Variants in MBNL2 observed in about 807,000 individuals in gnomAD.
MBNL2 encodes the protein muscleblind-like protein 2.
A neutral mutation model predicts 41.9 loss-of-function variants in MBNL2; 17 were observed. The ratio of observed to expected loss-of-function variants is 0.41; its 90% CI spans 0.28 to 0.61. MBNL2 has a LOEUF of 0.61. Ranked by LOEUF, MBNL2 falls within the 20% of genes least tolerant of loss-of-function variation. MBNL2 has a pLI of 0.35. For synonymous variants in MBNL2, 195 were observed against 182.9 expected (o/e 1.07, Z -0.53); for missense variants, 336 against 505.6 (o/e 0.66, Z 3.22).
chr13:97,221,483 T>TG (rs1473936435), upstream of MBNL2: 2 of 152,214 alleles, frequency 1.3e-5, no homozygotes, highest in African/African-American at 4.8e-5. Context: ...TGGCACCTCA[T>TG]GGGGGCCCTT....
At chr13:97,145,556 C>A in the MBNL2 span, among the ~76,000 whole-genome samples, 1 of 152,248 alleles carries the variant, frequency 6.6e-6, no homozygotes, top group African/African-American at 2.4e-5. Flanking sequence ...AGGGCATGGG[C>A]CTTGATGTTA....
upstream of MBNL2, among the ~76,000 whole-genome samples, chr13:97,220,072 T>C (rs2040726506): frequency 6.6e-6 from 1 of 152,206 alleles, no homozygotes; most frequent in African/African-American, 2.4e-5. Flanking sequence ...TGGATGAATA[T>C]GATATCAATT....
chr13:97,152,279 T>A, the MBNL2 span, among the ~76,000 whole-genome samples: 1 of 151,808 alleles, frequency 6.6e-6, no homozygotes, highest in African/African-American at 2.4e-5. Context: ...AATAAATGAA[T>A]GAGGGAAAAA....
At chr13:97,282,628 C>T (rs567682885) in intron 2 of MBNL2, among the ~76,000 whole-genome samples, 2 of 152,142 alleles carry the variant, frequency 1.3e-5, no homozygotes, top group Non-Finnish European at 1.5e-5. Context: ...TATAATGCAA[C>T]GGAGTACAGG....
At chr13:97,213,857 C>A in the MBNL2 span, among the ~76,000 whole-genome samples, 1 of 152,076 alleles carries the variant, frequency 6.6e-6, no homozygotes, top group Admixed American at 6.6e-5. Flanking sequence ...AAACCAGTTG[C>A]ATTTAATTTT....
At chr13:97,289,223 A>G (rs1489849626) in intron 2 of MBNL2, among the ~76,000 whole-genome samples, 2 of 152,250 alleles carry the variant, frequency 1.3e-5, no homozygotes, top group African/African-American at 2.4e-5. Context: ...TGTGTTGAAA[A>G]GTAGAATAGA....
At chr13:97,257,456 A>G (rs1393727103) in intron 1 of MBNL2, among the ~76,000 whole-genome samples, 3 of 152,226 alleles carry the variant, frequency 2.0e-5, no homozygotes, top group African/African-American at 7.2e-5. Context: ...AAGAAATGCA[A>G]TTGGCAGAAG....
chr13:97,202,785 G>A, the MBNL2 span, among the ~76,000 whole-genome samples: 13 of 152,192 alleles, frequency 8.5e-5, no homozygotes, highest in African/African-American at 2.9e-4. Flanking sequence ...AAGATGAACC[G>A]TTACCCAAAT....
intron 8 of MBNL2, among the ~76,000 whole-genome samples, chr13:97,375,075 CT>C (rs57715583): frequency 0.11 from 16,988 of 152,162 alleles, 990 homozygotes; most frequent in East Asian, 0.18. Context: ...AAGTTGACAG[CT>C]TTTCTGTGCA....
chr13:97,391,194 C>T (rs1272320354), intron 8 of MBNL2, 128 bp from the exon 9 acceptor site: 7 of 609,756 alleles, frequency 1.1e-5, no homozygotes, highest in East Asian at 8.3e-5. Flanking sequence ...TTTATAATTG[C>T]ATCAAAATAA....
intron 2 of MBNL2, among the ~76,000 whole-genome samples, chr13:97,284,899 A>G (rs1388984960): frequency 6.6e-6 from 1 of 152,202 alleles, no homozygotes; most frequent in African/African-American, 2.4e-5. Context: ...TGTTTATTTT[A>G]ATTGTAGTTT....
chr13:97,243,132 G>A (rs77677867), intron 1 of MBNL2, among the ~76,000 whole-genome samples: 2,164 of 152,272 alleles, frequency 0.014, 42 homozygotes, highest in African/African-American at 0.048. Context: ...TGGCAGGCAC[G>A]GACAGTGGAT....
chr13:97,291,913 A>AAAAAAAC (rs1359657767), intron 2 of MBNL2, among the ~76,000 whole-genome samples: 1 of 139,566 alleles, frequency 7.2e-6, no homozygotes, highest in African/African-American at 2.7e-5. Context: ...AAAAAAAAAA[A>AAAAAAAC]AAAAGTGGGC....
the MBNL2 span, among the ~76,000 whole-genome samples, chr13:97,212,244 G>A: frequency 6.6e-6 from 1 of 152,098 alleles, no homozygotes; most frequent in East Asian, 1.9e-4. Flanking sequence ...TGCTCCTGGG[G>A]TTTGAATATT....
At chr13:97,385,933 C>A (rs1312595344) in intron 8 of MBNL2, among the ~76,000 whole-genome samples, 1 of 152,226 alleles carries the variant, frequency 6.6e-6, no homozygotes, top group Non-Finnish European at 1.5e-5. Flanking sequence ...GTTTCTCACC[C>A]TGTTCAGCTC....
intron 8 of MBNL2, among the ~76,000 whole-genome samples, chr13:97,386,145 A>G (rs1425707205): frequency 9.9e-5 from 15 of 152,252 alleles, no homozygotes; most frequent in Admixed American, 9.8e-4. Flanking sequence ...TGAAAGTTGT[A>G]GGACTAACTC....
chr13:97,194,623 A>C, the MBNL2 span, among the ~76,000 whole-genome samples: 1 of 152,220 alleles, frequency 6.6e-6, no homozygotes, highest in African/African-American at 2.4e-5. Flanking sequence ...GAGATAGGTC[A>C]GCAGGGCTGG....
At chr13:97,194,645 A>T in the MBNL2 span, among the ~76,000 whole-genome samples, 4 of 152,232 alleles carry the variant, frequency 2.6e-5, no homozygotes, top group Non-Finnish European at 4.4e-5. Flanking sequence ...ATCACAAGAT[A>T]CAGGACATAA....
intron 2 of MBNL2, among the ~76,000 whole-genome samples, chr13:97,309,398 T>G (rs539418709): frequency 2.0e-5 from 3 of 152,280 alleles, no homozygotes; most frequent in African/African-American, 7.2e-5. Flanking sequence ...TCAGGGTGTC[T>G]TAATCCAATA....
Sources: gnomAD v4.1 joint callset for allele counts (sites outside exome capture counted in the v4.1 genomes callset) on GRCh38, gnomAD v4.1.1 for gene constraint, MANE v1.5 for transcripts, NCBI Gene and HGNC (gene_info 2026-07-23, HGNC 2026-07-21) for gene names.